The following PSG2 variants were observed in gnomAD, a reference collection of about 807,000 sequenced individuals.
The protein encoded by PSG2 is pregnancy-specific beta-1-glycoprotein 2.
A neutral mutation model predicts 36.2 loss-of-function variants in PSG2; 49 were observed. The observed-to-expected ratio is 1.35, with a 90% CI of 1.08 to 1.72. PSG2 has a LOEUF of 1.72. Ranked by LOEUF, PSG2 falls within the 40% of genes most tolerant of loss-of-function variation. PSG2 has a pLI of 0.00. For synonymous variants in PSG2, 261 were observed against 155.6 expected, an observed-to-expected ratio of 1.68 and a Z score of -5.04; for missense variants, 605 against 407.2, an observed-to-expected ratio of 1.49 and a Z score of -4.18.
chr19:43,068,762 T>C (rs1437241860), intron 4 of PSG2, among the ~76,000 whole-genome samples: 3 of 151,744 alleles, frequency 2.0e-5, no homozygotes, highest in East Asian at 3.9e-4. Context: ...GGTAACATCA[T>C]ACTTAACGGA....
chr19:43,067,263 G>C (rs957895939), intron 4 of PSG2, among the ~76,000 whole-genome samples: 2 of 151,056 alleles, frequency 1.3e-5, no homozygotes, highest in African/African-American at 4.9e-5. Flanking sequence ...CTTCATGCCT[G>C]CCCCACATTC....
At chr19:43,077,766 T>G (rs1378913635) in intron 2 of PSG2, among the ~76,000 whole-genome samples, 2 of 151,758 alleles carry the variant, frequency 1.3e-5, no homozygotes, top group Non-Finnish European at 2.9e-5. Context: ...AACAAAATAT[T>G]AAATATGAAG....
intron 1 of PSG2, 182 bp downstream of exon 1, chr19:43,082,324 T>C (rs1264210743): frequency 1.4e-5 from 13 of 913,376 alleles, no homozygotes; most frequent in Non-Finnish European, 4.8e-6. Flanking sequence ...GTATTTTTAG[T>C]AGAGACAGGG....
At chr19:43,069,342 T>C (rs1464437461) in intron 4 of PSG2, among the ~76,000 whole-genome samples, 2 of 151,628 alleles carry the variant, frequency 1.3e-5, no homozygotes, top group African/African-American at 4.9e-5. Context: ...CAGTGACATT[T>C]TTGCAGAAAA....
rs148315698 is a variant in PSG2 at position 43,082,552 on chromosome 19, G to C, written c.18C>G (p.Ala6=). The C allele has an allele frequency of 1.4e-3, 2,282 of 1,612,014 alleles. 23 individuals are homozygous for C. Among genetic ancestry groups the C allele is most frequent in the Non-Finnish European group, 1.7e-3 (1,970 of 1,179,082 alleles). ...ATTTGATGTGCTCTGTGCAGGGAGG[G>C]GCTGAGAGGGGCCCCATGGTCTCTG... MGPLS[A]PPCTEHIKWK... The change falls in exon 1 of 6, where the codon GCC becomes GCG. Residue 6 remains alanine, a synonymous_variant. Transcript: ENST00000406487.
chr19:43,074,636 C>T (rs572056403), intron 3 of PSG2, among the ~76,000 whole-genome samples: 1 of 151,678 alleles, frequency 6.6e-6, no homozygotes, highest in African/African-American at 2.4e-5. Context: ...GCAGGTGGCT[C>T]TTCCCTGATA....
chr19:43,082,122 C>CTCTTTTT (rs1967987456), intron 1 of PSG2: 12 of 67,940 alleles, frequency 1.8e-4, no homozygotes, highest in African/African-American at 3.1e-4. Flanking sequence ...TTTCTTCTCT[C>CTCTTTTT]TTTTTTTTTT....
chr19:43,074,545 G>A (rs1424728737), intron 3 of PSG2, among the ~76,000 whole-genome samples: 2 of 151,660 alleles, frequency 1.3e-5, no homozygotes, highest in Non-Finnish European at 2.9e-5. Flanking sequence ...AGAGTGAGGG[G>A]ACAGGCAAAA....
chr19:43,076,619 A>C (rs918699061), intron 2 of PSG2, among the ~76,000 whole-genome samples: 3 of 151,698 alleles, frequency 2.0e-5, no homozygotes, highest in African/African-American at 7.3e-5. Flanking sequence ...ACCTCATATC[A>C]GTGGATTCCA....
At chr19:43,071,120 T>C (rs1213079995) in intron 4 of PSG2, among the ~76,000 whole-genome samples, 2 of 151,398 alleles carry the variant, frequency 1.3e-5, no homozygotes, top group African/African-American at 4.9e-5. Flanking sequence ...CAGCTCCATT[T>C]AGCGAAATTC....
Position 43,075,382 on chromosome 19 carries a change from G to T in PSG2, c.681C>A (p.Arg227=), listed in dbSNP as rs779224117. ...CEIRNSGSAS[R]SDPVTLNLLH... ...GGAGATTCAGGGTGACTGGGTCACT[G>T]CGGCTGGCACTCCCTGAGTTCCGTA... The change falls in exon 3 of 6, where the codon CGC becomes CGA. Residue 227 remains arginine (R), a synonymous_variant. Transcript: ENST00000406487. 3 of 1,613,188 alleles carry T rather than the reference G, an allele frequency of 1.9e-6. No individual in the cohort carries two copies. The highest frequency in any genetic ancestry group is 2.5e-6 in the Non-Finnish European group (3 of 1,179,658).
chr19:43,075,223 G>A, intron 3 of PSG2, 131 bp downstream of exon 3: 1 of 1,585,120 alleles, frequency 6.3e-7, no homozygotes. Flanking sequence ...GGGGCAGAAA[G>A]TCATGGCCAG....
chr19:43,080,321 A>T (rs113842708), intron 2 of PSG2, among the ~76,000 whole-genome samples: 2,101 of 151,768 alleles, frequency 0.014, 53 homozygotes, highest in Middle Eastern at 0.024. Context: ...CATTGCCCAG[A>T]TGAGGCTCTG....
intron 3 of PSG2, among the ~76,000 whole-genome samples, chr19:43,073,526 A>T (rs1310291655): frequency 6.6e-6 from 1 of 151,764 alleles, no homozygotes; most frequent in African/African-American, 2.4e-5. Flanking sequence ...TTTGATGGAT[A>T]TGAGACAAAT....
chr19:43,072,016 T>C lies in PSG2; in HGVS notation c.710-62A>G, dbSNP rs539682394. 8.3e-6 allele frequency: 13 copies of C among 1,574,400 alleles called. No individual in the cohort carries two copies. In the Admixed American group the frequency reaches 1.2e-4, roughly 15 times the overall value. On this transcript the variant is annotated intron_variant, in intron 3 of 5. Coordinates refer to ENST00000406487, the MANE Select transcript of PSG2 (RefSeq NM_031246.4). ...CTGAGGGAAGGGGATGCTCCTGGTC[T>C]CTTAAAGGGACACAGTGACCCTCTG...
chr19:43,076,182 G>T (rs1967893303), intron 2 of PSG2, among the ~76,000 whole-genome samples: 1 of 151,698 alleles, frequency 6.6e-6, no homozygotes, highest in African/African-American at 2.4e-5. Context: ...AAGCCTGGAG[G>T]TCAGTTCAGT....
chr19:43,071,555 T>C (rs1967816200), intron 4 of PSG2, 145 bp downstream of exon 4: 8 of 1,592,804 alleles, frequency 5.0e-6, no homozygotes, highest in Non-Finnish European at 6.0e-6. Flanking sequence ...TAGAGACAAA[T>C]TGGGAGGGTT....
At chr19:43,067,159 A>G (rs1440212081) in intron 4 of PSG2, among the ~76,000 whole-genome samples, 1 of 143,286 alleles carries the variant, frequency 7.0e-6, no homozygotes, top group Non-Finnish European at 1.5e-5. Flanking sequence ...CCTTGCAAAA[A>G]CTCTTAGAAC....
rs768248657 is a variant in PSG2 at position 43,064,570 on chromosome 19, G to C, written c.*72C>G. ...GAAGTTATCAGGAGCTTGTATTCAA[G>C]AGTCCTTGTAAGAGACCTTTCCATA... On this transcript the variant is annotated 3_prime_UTR_variant, in exon 6 of 6. Transcript: ENST00000406487. The C allele has an allele frequency of 1.2e-5, 8 of 677,160 alleles. No individual in the cohort carries two copies. In the African/African-American group the frequency reaches 1.4e-4, roughly 12 times the overall value. 41.9% of individuals were successfully genotyped at this position (677,160 alleles called of 1,614,324 possible). A position where few individuals can be genotyped will look rare whatever the true frequency, so the allele number is the denominator to read the frequency against.
Sources: allele counts gnomAD v4.1 joint callset (sites outside exome capture counted in the v4.1 genomes callset), GRCh38; gene constraint gnomAD v4.1.1; transcripts MANE v1.5; gene names NCBI Gene and HGNC (gene_info 2026-07-23, HGNC 2026-07-21).